NCKAP5: variants seen among roughly 807,000 people sequenced by gnomAD.
The protein encoded by NCKAP5 is nck-associated protein 5.
NCKAP5 carries 92 observed loss-of-function variants against 167.0 expected under a neutral mutation model. The observed-to-expected ratio is 0.55, with a 90% CI of 0.47 to 0.66. The LOEUF is 0.66. NCKAP5 is among the 30% of genes least tolerant of loss of function. The pLI is 0.00. For synonymous variants in NCKAP5, 891 were observed against 877.4 expected (o/e 1.02, Z -0.27); for missense variants, 2,378 against 2,315.0 (o/e 1.03, Z -0.56).
chr2:133,039,865 T>G (rs1293833494), intron 6 of NCKAP5, among the ~76,000 whole-genome samples: 2 of 152,154 alleles, frequency 1.3e-5, no homozygotes, highest in African/African-American at 4.8e-5. Context: ...AAAGAATTAT[T>G]TTAACATATC....
At chr2:133,428,048 A>G (rs1689923904) in intron 3 of NCKAP5, among the ~76,000 whole-genome samples, 1 of 152,118 alleles carries the variant, frequency 6.6e-6, no homozygotes, top group African/African-American at 2.4e-5. Context: ...TACATAAGTG[A>G]TATAATTCTA....
At chr2:133,072,081 C>CTTTTTTTTTTTTT (rs56234235) in intron 6 of NCKAP5, among the ~76,000 whole-genome samples, 1 of 145,046 alleles carries the variant, frequency 6.9e-6, no homozygotes, top group African/African-American at 2.5e-5. Context: ...TTTATCCAGG[C>CTTTTTTTTTTTTT]TTTTTTTTTT....
At chr2:132,728,140 C>T (rs924312268) in intron 18 of NCKAP5, among the ~76,000 whole-genome samples, 8 of 152,092 alleles carry the variant, frequency 5.3e-5, no homozygotes, top group Non-Finnish European at 1.0e-4. Context: ...CACCCCAGGA[C>T]GAGTGGTGAA....
At chr2:133,430,786 T>TA (rs916442029) in intron 3 of NCKAP5, among the ~76,000 whole-genome samples, 2 of 140,330 alleles carry the variant, frequency 1.4e-5, no homozygotes, top group African/African-American at 2.7e-5. Flanking sequence ...GATACATGAA[T>TA]AAAAAATCTC....
chr2:133,071,197 C>T (rs2080382041), intron 6 of NCKAP5, among the ~76,000 whole-genome samples: 1 of 152,190 alleles, frequency 6.6e-6, no homozygotes, highest in Non-Finnish European at 1.5e-5. Flanking sequence ...AAAAAGTCTG[C>T]ACTACCAGGG....
chr2:133,166,818 G>C (rs1044078320), intron 5 of NCKAP5, among the ~76,000 whole-genome samples: 3 of 152,084 alleles, frequency 2.0e-5, no homozygotes, highest in East Asian at 1.9e-4. Flanking sequence ...GGTTTTAGGG[G>C]GCTGACATTT....
chr2:133,530,398 T>C (rs1005909342), intron 2 of NCKAP5, among the ~76,000 whole-genome samples: 1 of 152,214 alleles, frequency 6.6e-6, no homozygotes, highest in Admixed American at 6.5e-5. Context: ...TGGCCATTTG[T>C]GTTCATTTTT....
chr2:133,105,502 C>T (rs2081654759), intron 6 of NCKAP5, among the ~76,000 whole-genome samples: 1 of 152,214 alleles, frequency 6.6e-6, no homozygotes, highest in South Asian at 2.1e-4. Context: ...CCTCTCTCTA[C>T]TCTTTTGAAC....
chr2:132,861,422 T>C (rs1341736508), intron 10 of NCKAP5, among the ~76,000 whole-genome samples: 1 of 152,082 alleles, frequency 6.6e-6, no homozygotes, highest in Non-Finnish European at 1.5e-5. Flanking sequence ...CGCAGTAGAA[T>C]AAAACCCAAA....
intron 2 of NCKAP5, among the ~76,000 whole-genome samples, chr2:133,554,085 T>C (rs1381072380): frequency 6.6e-6 from 1 of 152,212 alleles, no homozygotes; most frequent in Non-Finnish European, 1.5e-5. Context: ...AAGCTCATGA[T>C]GACTTGCTTC....
At chr2:132,815,998 G>C (rs1209595322) in intron 11 of NCKAP5, among the ~76,000 whole-genome samples, 1 of 152,140 alleles carries the variant, frequency 6.6e-6, no homozygotes, top group Admixed American at 6.5e-5. Context: ...GTGGCCAAAG[G>C]TGTCATCATA....
chr2:133,144,410 A>C (rs2149852462), intron 5 of NCKAP5, among the ~76,000 whole-genome samples: 1 of 152,244 alleles, frequency 6.6e-6, no homozygotes, highest in African/African-American at 2.4e-5. Context: ...GCTATAACAA[A>C]AAAATAATCA....
the NCKAP5 span, among the ~76,000 whole-genome samples, chr2:133,616,975 C>T: frequency 6.6e-6 from 1 of 152,208 alleles, no homozygotes; most frequent in Non-Finnish European, 1.5e-5. Flanking sequence ...GGCTTCATCC[C>T]TGGGATGCAA....
In NCKAP5 at chr2:132,784,306, T is replaced by C. The variant is rs375764699; in HGVS notation, c.2505A>G (p.Lys835=). The change falls in exon 14 of 20, where the codon AAA becomes AAG. Residue 835 remains lysine, a synonymous_variant. Coordinates refer to ENST00000409261, the MANE Select transcript of NCKAP5 (RefSeq NM_207363.3). ...LPSSGLVTLE[K]SPALAPGKLS... Reference sequence around the variant, plus strand: ...GTTTCCCAGGAGCTAAGGCTGGTGATTTTTCAAGAGTCACCAGGCCAGATG... The same window carrying C: ...GTTTCCCAGGAGCTAAGGCTGGTGACTTTTCAAGAGTCACCAGGCCAGATG... 1.1e-4 allele frequency: 173 copies of C among 1,613,916 alleles called. No individual in the cohort carries two copies. In the Middle Eastern group the frequency reaches 1.3e-3, roughly 12 times the overall value.
chr2:133,305,434 T>C (rs559503854), intron 3 of NCKAP5, among the ~76,000 whole-genome samples: 2 of 152,352 alleles, frequency 1.3e-5, no homozygotes, highest in East Asian at 3.9e-4. Flanking sequence ...TTTAAGTACA[T>C]ACATACCATC....
intron 4 of NCKAP5, chr2:133,268,354 A>T (rs1259282883): frequency 1.4e-4 from 22 of 152,226 alleles, no homozygotes; most frequent in Non-Finnish European, 1.5e-5. Context: ...TTTGATTTAC[A>T]GGTCAGAATT....
intron 16 of NCKAP5, among the ~76,000 whole-genome samples, chr2:132,747,029 T>C (rs1679705779): frequency 6.6e-6 from 1 of 152,110 alleles, no homozygotes. Flanking sequence ...GAAAGTGTTG[T>C]AAATCTTGAT....
intron 4 of NCKAP5, among the ~76,000 whole-genome samples, chr2:133,234,377 C>T (rs1025630020): frequency 1.3e-5 from 2 of 152,166 alleles, no homozygotes; most frequent in Non-Finnish European, 2.9e-5. Flanking sequence ...CAATAAAACT[C>T]ATAACCATTA....
chr2:133,547,538 G>T lies in NCKAP5; in HGVS notation c.-62+11512C>A, dbSNP rs12467461. 8.6e-5 allele frequency among the ~76,000 whole-genome samples: 13 copies of T among 151,676 alleles called. No homozygotes were observed. In the South Asian group the frequency reaches 1.7e-3, roughly 20 times the overall value. ...GCATGCAGCTGGAGATCTGAGAACCGGCAGACTGCCTCCTCAAGTGGGTCC... is the reference window on the plus strand; with the variant it reads ...GCATGCAGCTGGAGATCTGAGAACCTGCAGACTGCCTCCTCAAGTGGGTCC... On this transcript the variant is annotated intron_variant, in intron 2 of 19. Coordinates refer to ENST00000409261, the MANE Select transcript of NCKAP5 (RefSeq NM_207363.3).
Sources: allele counts gnomAD v4.1 joint callset (sites outside exome capture counted in the v4.1 genomes callset), GRCh38; gene constraint gnomAD v4.1.1; transcripts MANE v1.5; gene names NCBI Gene and HGNC (gene_info 2026-07-23, HGNC 2026-07-21).